The following TUBB variants were observed in gnomAD, a reference collection of about 807,000 sequenced individuals.
TUBB encodes tubulin beta chain.
In TUBB, 2 loss-of-function variants were observed where a neutral mutation model predicts 35.1. The ratio of observed to expected loss-of-function variants is 0.06; its 90% CI spans 0.02 to 0.18. The LOEUF is 0.18. Ranked by LOEUF, TUBB falls within the 10% of genes least tolerant of loss-of-function variation. The pLI is 1.00. For synonymous variants in TUBB, 205 were observed against 223.8 expected (o/e 0.92, Z 0.75); for missense variants, 50 against 599.4 (o/e 0.08, Z 9.57).
At chr6:30,721,442 C>G (rs1251627446) in intron 1 of TUBB, 2 of 568,770 alleles carry the variant, frequency 3.5e-6, no homozygotes, top group Non-Finnish European at 2.2e-6. Flanking sequence ...GCCGGGGCGC[C>G]GTGGGCGCGC....
chr6:30,723,039 C>T lies in TUBB; in HGVS notation c.277+11C>T, dbSNP rs25526. 21,574 of 1,596,360 alleles carry T rather than the reference C, an allele frequency of 0.014. 167 individuals carry two copies. Among genetic ancestry groups the T allele is most frequent in the African/African-American group, 0.021 (1,528 of 74,534 alleles). ...ACAACTTTGTATTTGGTGAGTTATA[C>T]AGATGATATTAGCAGATGATATACC... On this transcript the variant is annotated intron_variant, in intron 3 of 3. Transcript: ENST00000327892.
At chr6:30,723,145 G>C in intron 3 of TUBB, 117 bp downstream of exon 3, 1 of 1,017,720 alleles carries the variant, frequency 9.8e-7, no homozygotes, top group Non-Finnish European at 1.5e-6. Flanking sequence ...ATACAGAAAT[G>C]TGTTCTGAAA....
At position 30,720,472 on chromosome 6, in the gene TUBB, T is replaced by C. The variant is rs907550336; in HGVS notation, c.-35T>C. The C allele has an allele frequency of 1.1e-5, 17 of 1,611,716 alleles. No homozygotes were observed. Among genetic ancestry groups the C allele is most frequent in the Non-Finnish European group, 1.4e-5 (17 of 1,177,828 alleles). Reference sequence around the variant, plus strand: ...ATTACTTATTTTCTTGCCCCATACATACCTTGAGGCGAGCAAAAAAATTAA... The same window carrying C: ...ATTACTTATTTTCTTGCCCCATACACACCTTGAGGCGAGCAAAAAAATTAA... On this transcript the variant is annotated 5_prime_UTR_variant, in exon 1 of 4. Transcript: ENST00000327892.
chr6:30,722,479 T>C, intron 1 of TUBB, 58 bp from the exon 2 acceptor site: 1 of 1,158,336 alleles, frequency 8.6e-7, no homozygotes, highest in Non-Finnish European at 1.3e-6. Flanking sequence ...AAATGGTAGT[T>C]GGGGACATAG....
chr6:30,721,602 G>GC, intron 1 of TUBB: 6 of 984,792 alleles, frequency 6.1e-6, no homozygotes, highest in Non-Finnish European at 7.2e-6. Flanking sequence ...GTGGAGGGCG[G>GC]GGGGGGTGGT....
In TUBB at chr6:30,720,452, T is replaced by G; in HGVS notation, c.-55T>G. 6.3e-7 allele frequency: 1 copy of G among 1,578,958 alleles called. No individual in the cohort carries two copies. The highest frequency in any genetic ancestry group is 1.1e-5 in the South Asian group (1 of 90,276). On this transcript the variant is annotated 5_prime_UTR_variant, in exon 1 of 4. Coordinates refer to ENST00000327892, the MANE Select transcript of TUBB (RefSeq NM_178014.4). The stretch of plus-strand genomic sequence containing the variant: ...GCGACCTGCGGAGAAAAAAAATTAC[T>G]TATTTTCTTGCCCCATACATACCTT...
At chr6:30,721,294 A>G (rs774707524) in intron 1 of TUBB, among the ~76,000 whole-genome samples, 21 of 151,932 alleles carry the variant, frequency 1.4e-4, no homozygotes, top group Non-Finnish European at 2.4e-4. Flanking sequence ...CAAGGGGTAG[A>G]AATGTAGCGA....
chr6:30,723,336 C>T lies in TUBB; in HGVS notation c.278-4C>T, dbSNP rs1465858469. On this transcript the variant is annotated splice_region_variant and splice_polypyrimidine_tract_variant and intron_variant, in intron 3 of 3. Coordinates refer to ENST00000327892, the MANE Select transcript of TUBB (RefSeq NM_178014.4). ...ATTGAGCTTTTCTCCTGACTGCATTCCAGGTCAGTCTGGGGCAGGTAACAA... is the reference window on the plus strand; with the variant it reads ...ATTGAGCTTTTCTCCTGACTGCATTTCAGGTCAGTCTGGGGCAGGTAACAA... 6.3e-7 allele frequency: 1 copy of T among 1,596,718 alleles called. No individual in the cohort carries two copies. Among genetic ancestry groups the T allele is most frequent in the East Asian group, 2.2e-5 (1 of 44,728 alleles).
At chr6:30,721,754 C>G (rs1776286395) in intron 1 of TUBB, 1 of 985,114 alleles carries the variant, frequency 1.0e-6, no homozygotes, top group African/African-American at 1.7e-5. Flanking sequence ...TTGGGACCCG[C>G]TGCACATATC....
Position 30,724,564 on chromosome 6 carries a change from T to C in TUBB, c.*167T>C. The C allele has an allele frequency of 1.7e-6, 1 of 601,006 alleles. No individual in the cohort carries two copies. Among genetic ancestry groups the C allele is most frequent in the Non-Finnish European group, 2.8e-6 (1 of 351,828 alleles). 37.2% of individuals were successfully genotyped at this position (601,006 alleles called of 1,614,324 possible). A position where few individuals can be genotyped will look rare whatever the true frequency, so the allele number is the denominator to read the frequency against. ...TGGCACATAGTAGGCGCTCAATAAA[T>C]ACTTGTTTGTTGAATGTCTCCTCTC... On this transcript the variant is annotated 3_prime_UTR_variant, in exon 4 of 4. Coordinates refer to ENST00000327892, the MANE Select transcript of TUBB (RefSeq NM_178014.4). The surrounding 1 kb of genome is among the most constrained non-coding windows in gnomAD (Gnocchi z 4.4).
At chr6:30,723,111 G>T in intron 3 of TUBB, 83 bp downstream of exon 3, 1 of 1,200,886 alleles carries the variant, frequency 8.3e-7, no homozygotes, top group African/African-American at 1.5e-5. Context: ...AAAGTTAGGA[G>T]ATGATTGTTG....
Position 30,724,427 on chromosome 6 carries a change from A to G in TUBB, c.*30A>G. On this transcript the variant is annotated 3_prime_UTR_variant, in exon 4 of 4. Transcript: ENST00000327892. The surrounding 1 kb of genome is among the most constrained non-coding windows in gnomAD (Gnocchi z 4.4). ...GAGCCCCCATCACCTCAGGCTTCTC[A>G]GTTCCCTTAGCCGTCTTACTCAACT... 6.3e-7 allele frequency: 1 copy of G among 1,576,306 alleles called. No homozygotes were observed. The highest frequency in any genetic ancestry group is 8.6e-7 in the Non-Finnish European group (1 of 1,159,414).
chr6:30,722,856 C>CAGT (rs1776384842), intron 2 of TUBB, 62 bp from the exon 3 acceptor site: 14 of 1,408,950 alleles, frequency 9.9e-6, no homozygotes, highest in Non-Finnish European at 7.9e-6. Context: ...CTCCCATTTC[C>CAGT]AGTATATCTA....
chr6:30,720,354 C>A lies in TUBB; in HGVS notation c.-153C>A. 1 of 763,060 alleles carries A rather than the reference C, an allele frequency of 1.3e-6. No individual in the cohort carries two copies. The allele number at this position is 763,060 out of a possible 1,614,324, so 47.3% of individuals were successfully genotyped here. On this transcript the variant is annotated 5_prime_UTR_variant, in exon 1 of 4. Transcript: ENST00000327892. ...GCGCCCTCCCCTCTCCTTTCTCCCT[C>A]TCAGAACCTTCCTGCCGTCGCGTTT...
chr6:30,722,890 T>C (rs1281658276), intron 2 of TUBB, 28 bp from the exon 3 acceptor site: 1 of 1,577,664 alleles, frequency 6.3e-7, no homozygotes, highest in Non-Finnish European at 8.7e-7. Context: ...CTGCCAGATT[T>C]CACAGCTCTT....
chr6:30,721,601 G>A (rs924792932), intron 1 of TUBB: 2 of 973,980 alleles, frequency 2.1e-6, no homozygotes, highest in Non-Finnish European at 2.4e-6. Context: ...CGTGGAGGGC[G>A]GGGGGGGTGG....
At chr6:30,721,531 G>A (rs1776250552) in intron 1 of TUBB, 3 of 984,774 alleles carry the variant, frequency 3.0e-6, no homozygotes, top group Admixed American at 6.2e-5. Flanking sequence ...TTTTGTCCCT[G>A]GCCCCGCCCA....
In TUBB at chr6:30,724,757, A is replaced by C; in HGVS notation, c.*360A>C. On this transcript the variant is annotated 3_prime_UTR_variant, in exon 4 of 4. Coordinates refer to ENST00000327892, the MANE Select transcript of TUBB (RefSeq NM_178014.4). The surrounding 1 kb of genome is among the most constrained non-coding windows in gnomAD (Gnocchi z 4.4). ...CAGGTGCTGAAAACACATGTAGATA[A>C]TGGCCATCATCCTAAGCCCAAAGTA... is the stretch of plus-strand genomic sequence containing the variant. The C allele has an allele frequency of 3.7e-6, 1 of 270,830 alleles. No homozygotes were observed. Among genetic ancestry groups the C allele is most frequent in the Non-Finnish European group, 7.0e-6 (1 of 143,690 alleles). The allele number at this position is 270,830 out of a possible 1,614,324, so 16.8% of individuals were successfully genotyped here.
Position 30,720,413 on chromosome 6 carries a change from C to A in TUBB, c.-94C>A. ...CTGCTCCAGCCTCTGGGGCGCATTC[C>A]AACCTTCCAGCCTGCGACCTGCGGA... On this transcript the variant is annotated 5_prime_UTR_variant, in exon 1 of 4. Transcript: ENST00000327892. 2 of 1,304,732 alleles carry A rather than the reference C, an allele frequency of 1.5e-6. No homozygotes were observed. The highest frequency in any genetic ancestry group is 1.7e-5 in the Admixed American group (1 of 57,474). 80.8% of individuals were successfully genotyped at this position (1,304,732 alleles called of 1,614,324 possible). A position where few individuals can be genotyped will look rare whatever the true frequency, so the allele number is the denominator to read the frequency against.
Sources: allele counts gnomAD v4.1 joint callset (sites outside exome capture counted in the v4.1 genomes callset), GRCh38; gene constraint gnomAD v4.1.1; non-coding constraint Gnocchi (gnomAD v3.1); transcripts MANE v1.5; gene names NCBI Gene and HGNC (gene_info 2026-07-23, HGNC 2026-07-21).